Variants in CCDC171 observed in about 807,000 individuals in gnomAD.
CCDC171 encodes coiled-coil domain containing 171.
CCDC171 carries 177 observed loss-of-function variants against 168.2 expected under a neutral mutation model. The observed-to-expected ratio is 1.05, with a 90% CI of 0.93 to 1.19. CCDC171 has a LOEUF of 1.19. Ranked by LOEUF, CCDC171 falls within the 50% of genes most tolerant of loss-of-function variation. The pLI is 0.00. For missense variants in CCDC171, 1,991 were observed against 1,539.0 expected, an observed-to-expected ratio of 1.29 and a Z score of -4.91; for synonymous variants, 687 against 540.8, an observed-to-expected ratio of 1.27 and a Z score of -3.75.
chr9:15,560,929 C>T (rs1040444566), intron 1 of CCDC171, among the ~76,000 whole-genome samples: 1 of 152,050 alleles, frequency 6.6e-6, no homozygotes, highest in Non-Finnish European at 1.5e-5. Context: ...GATGTTTATT[C>T]GTTTTCCTTC....
At chr9:15,617,177 C>T (rs1470170354) in intron 6 of CCDC171, among the ~76,000 whole-genome samples, 1 of 152,264 alleles carries the variant, frequency 6.6e-6, no homozygotes, top group East Asian at 1.9e-4. Context: ...CTTCTGAAGC[C>T]TACTTCTGCC....
intron 3 of CCDC171, among the ~76,000 whole-genome samples, chr9:15,998,126 A>G (rs1169113877): frequency 1.3e-5 from 2 of 152,184 alleles, no homozygotes; most frequent in African/African-American, 4.8e-5. Context: ...CAAGTCCCCC[A>G]GAGAGATCAG....
intron 7 of CCDC171, among the ~76,000 whole-genome samples, chr9:15,649,742 G>A (rs2047352813): frequency 6.6e-6 from 1 of 152,164 alleles, no homozygotes; most frequent in Admixed American, 6.5e-5. Flanking sequence ...TAAAAAGTCA[G>A]GAAACAACAG....
intron 24 of CCDC171, among the ~76,000 whole-genome samples, chr9:15,876,811 G>T (rs373728877): frequency 6.6e-6 from 1 of 152,040 alleles, no homozygotes; most frequent in East Asian, 1.9e-4. Context: ...TTCAGTAGTT[G>T]TTTAACTTTG....
rs181995801 is a variant in CCDC171 at position 15,780,204 on chromosome 9, A to C, written c.3081+1054A>C. 1.7e-4 allele frequency among the ~76,000 whole-genome samples: 26 copies of C among 152,334 alleles called. No homozygotes were observed. In the East Asian group the frequency reaches 4.8e-3, roughly 28 times the overall value. ...TCCTATGAATTAGGCAGGTCAAGTA[A>C]TCATGAATTACTCTTAAGCCATAGG... On this transcript the variant is annotated intron_variant, in intron 20 of 25. Coordinates refer to ENST00000380701, the MANE Select transcript of CCDC171 (RefSeq NM_173550.4).
upstream of CCDC171, among the ~76,000 whole-genome samples, chr9:16,042,329 G>C (rs950106928): frequency 3.9e-5 from 6 of 152,192 alleles, no homozygotes; most frequent in Non-Finnish European, 8.8e-5. Context: ...CTTATGAAGA[G>C]GATCATGAGG....
chr9:16,066,590 TC>T (rs1833993399), downstream of CCDC171, among the ~76,000 whole-genome samples: 1 of 147,564 alleles, frequency 6.8e-6, no homozygotes, highest in African/African-American at 2.5e-5. Context: ...TAGGTATATC[TC>T]CCGATGCTAT....
At chr9:15,604,390 C>G (rs532975184) in intron 6 of CCDC171, among the ~76,000 whole-genome samples, 1 of 152,292 alleles carries the variant, frequency 6.6e-6, no homozygotes, top group East Asian at 1.9e-4. Context: ...TATCATGCCC[C>G]TCCTTTGTTA....
chr9:15,723,806 A>T, intron 13 of CCDC171, 60 bp downstream of exon 13: 2 of 826,206 alleles, frequency 2.4e-6, no homozygotes, highest in Non-Finnish European at 3.8e-6. Context: ...TATCTAGGGA[A>T]TATTTTAAAG....
chr9:15,670,543 A>G (rs932431289), intron 9 of CCDC171, among the ~76,000 whole-genome samples: 1 of 152,096 alleles, frequency 6.6e-6, no homozygotes, highest in Non-Finnish European at 1.5e-5. Flanking sequence ...CAGGCATAGT[A>G]TGCCATTTTT....
At chr9:15,799,135 C>CATATATATATATAT (rs57651824) in intron 21 of CCDC171, among the ~76,000 whole-genome samples, 2,813 of 108,492 alleles carry the variant, frequency 0.026, 104 homozygotes, top group African/African-American at 0.043. Flanking sequence ...TCATCATTGC[C>CATATATATATATAT]ATATATATAT....
chr9:15,753,931 A>G (rs2055926043), intron 18 of CCDC171, among the ~76,000 whole-genome samples: 1 of 152,208 alleles, frequency 6.6e-6, no homozygotes, highest in East Asian at 1.9e-4. Flanking sequence ...CTCTCTGGAT[A>G]TAACTTGACC....
chr9:15,809,402 C>T (rs2059228513), intron 21 of CCDC171, among the ~76,000 whole-genome samples: 1 of 152,130 alleles, frequency 6.6e-6, no homozygotes, highest in African/African-American at 2.4e-5. Context: ...TGGTGGGTTC[C>T]TGGTCTCACT....
intron 1 of CCDC171, among the ~76,000 whole-genome samples, chr9:16,044,184 G>C (rs1359957): frequency 9.2e-5 from 14 of 152,014 alleles, no homozygotes; most frequent in Non-Finnish European, 1.6e-4. Context: ...AGGGAGGCTG[G>C]GGGTGGTAGT....
chr9:15,799,829 ATTG>A (rs1339845535), intron 21 of CCDC171, among the ~76,000 whole-genome samples: 4 of 151,934 alleles, frequency 2.6e-5, no homozygotes, highest in African/African-American at 9.7e-5. Context: ...CATGAGTTCA[ATTG>A]TTTGGATTTT....
chr9:15,567,550 T>C (rs1053873758), intron 2 of CCDC171, among the ~76,000 whole-genome samples: 1 of 152,254 alleles, frequency 6.6e-6, no homozygotes. Context: ...TTTAATAATA[T>C]TGAGTTTTCC....
intron 21 of CCDC171, among the ~76,000 whole-genome samples, chr9:15,821,571 C>G (rs1371625311): frequency 1.8e-5 from 2 of 112,092 alleles, no homozygotes; most frequent in South Asian, 3.0e-4. Context: ...CATGAGTGAA[C>G]TCCCATTCAC....
downstream of CCDC171, among the ~76,000 whole-genome samples, chr9:16,062,055 A>G (rs1390384723): frequency 6.6e-6 from 1 of 152,154 alleles, no homozygotes; most frequent in Admixed American, 6.5e-5. Flanking sequence ...CATTTTAACA[A>G]TCCACTCTTG....
At chr9:15,740,435 T>TTG (rs371147420) in intron 16 of CCDC171, among the ~76,000 whole-genome samples, 99 of 150,302 alleles carry the variant, frequency 6.6e-4, no homozygotes, top group Middle Eastern at 3.5e-3. Context: ...AGGTTTTTGT[T>TTG]TGTGTGTGTG....
Sources: gnomAD v4.1 joint callset for allele counts (sites outside exome capture counted in the v4.1 genomes callset) on GRCh38, gnomAD v4.1.1 for gene constraint, MANE v1.5 for transcripts, NCBI Gene and HGNC (gene_info 2026-07-23, HGNC 2026-07-21) for gene names.